Variants in MYT1 observed in about 807,000 individuals in gnomAD.
MYT1 encodes the protein myelin transcription factor I.
A neutral mutation model predicts 123.0 loss-of-function variants in MYT1; 23 were observed. The observed-to-expected ratio is 0.19, with a 90% confidence interval of 0.13 to 0.26. The LOEUF is 0.26. Ranked by LOEUF, MYT1 falls within the 10% of genes least tolerant of loss-of-function variation. The pLI is 1.00. For synonymous variants in MYT1, 518 were observed against 575.3 expected (o/e 0.90, Z 1.43); for missense variants, 1,125 against 1,472.5 (o/e 0.76, Z 3.86).
Position 64,191,944 on chromosome 20 carries a change from C to T in MYT1, c.-1+1784C>T, listed in dbSNP as rs142072817. ...CCCCAGATCCTGAGGATTCACATAGCGCTGTACTGGCATGAGATCATGTGA... is the reference window on the plus strand; with the variant it reads ...CCCCAGATCCTGAGGATTCACATAGTGCTGTACTGGCATGAGATCATGTGA... On this transcript the variant is annotated intron_variant, in intron 2 of 22. Transcript: ENST00000328439. This position sits in a 1 kb window ranked among gnomAD's most constrained non-coding sequence, Gnocchi z 4.1. The T allele has an allele frequency of 3.9e-5, 6 of 152,304 alleles. No individual in the cohort carries two copies. Among genetic ancestry groups the T allele is most frequent in the African/African-American group, 9.6e-5 (4 of 41,544 alleles). The allele number at this position is 152,304 out of a possible 1,614,324, so 9.4% of individuals were successfully genotyped here. A position where few individuals can be genotyped will look rare whatever the true frequency, so the allele number is the denominator to read the frequency against.
rs983547269 is a variant in MYT1, at chr20:64,186,245, C to T, written c.-98-3818C>T. 4.6e-5 allele frequency among the ~76,000 whole-genome samples: 7 copies of T among 152,128 alleles called. No homozygotes were observed. The highest frequency in any genetic ancestry group is 1.2e-4 in the African/African-American group (5 of 41,432). ...GGCAGGACTCCAGGTGCAAAGATGC[C>T]GGGTCCCTAGAGAGGGGTCCCAGCC... On this transcript the variant is annotated intron_variant, in intron 1 of 22. Transcript: ENST00000328439. This position sits in a 1 kb window ranked among gnomAD's most constrained non-coding sequence, Gnocchi z 4.3.
At chr20:64,178,964 T>C (rs1982559605) in intron 1 of MYT1, among the ~76,000 whole-genome samples, 1 of 139,428 alleles carries the variant, frequency 7.2e-6, no homozygotes, top group Non-Finnish European at 1.6e-5. Context: ...GTGGGAGCAC[T>C]GAGCCGTTAT....
At chr20:64,180,062 A>G (rs1982600184) in intron 1 of MYT1, among the ~76,000 whole-genome samples, 1 of 81,924 alleles carries the variant, frequency 1.2e-5, no homozygotes, top group African/African-American at 3.9e-5. Context: ...ACAGTTACAC[A>G]CCACACGCAG....
rs1983117798 is a variant in MYT1 at position 64,196,300 on chromosome 20, G to T, written c.1-2562G>T. 6.6e-6 allele frequency among the ~76,000 whole-genome samples: 1 copy of T among 152,254 alleles called. No individual in the cohort carries two copies. Among genetic ancestry groups the T allele is most frequent in the Admixed American group, 6.5e-5 (1 of 15,292 alleles). ...GGGCTGCCGTCCAGGGATCACCAAG[G>T]TGAGCCTGGGTGGTGCTGGGCACAG... On this transcript the variant is annotated intron_variant, in intron 2 of 22. Coordinates refer to ENST00000328439, the MANE Select transcript of MYT1 (RefSeq NM_004535.3). The surrounding 1 kb of genome is among the most constrained non-coding windows in gnomAD (Gnocchi z 4.3).
intron 2 of MYT1, among the ~76,000 whole-genome samples, chr20:64,195,464 C>G (rs1271554715): frequency 1.4e-5 from 2 of 145,426 alleles, no homozygotes; most frequent in Non-Finnish European, 3.0e-5. Context: ...GGTGCAATCT[C>G]AGCTCACTGC....
rs535099064 is a variant in MYT1 at position 64,203,674 on chromosome 20, G to T, written c.87-1361G>T. ...CCCCATGGCTGCTGTTGAGCCAGGG[G>T]ATAGGGTAAGGCCTGGATTCTGCTG... On this transcript the variant is annotated intron_variant, in intron 4 of 22. Coordinates refer to ENST00000328439, the MANE Select transcript of MYT1 (RefSeq NM_004535.3). The surrounding 1 kb of genome is among the most constrained non-coding windows in gnomAD (Gnocchi z 5.1). Among the ~76,000 whole-genome samples, 70 of 152,330 alleles carry T rather than the reference G, an allele frequency of 4.6e-4. No homozygotes were observed. The highest frequency in any genetic ancestry group is 1.5e-3 in the African/African-American group (64 of 41,572).
chr20:64,198,002 T>C (rs948671495), intron 2 of MYT1, among the ~76,000 whole-genome samples: 1 of 152,046 alleles, frequency 6.6e-6, no homozygotes, highest in Non-Finnish European at 1.5e-5. Flanking sequence ...AGCCTTCTGC[T>C]GGGCCGGGCG....
At position 64,212,574 on chromosome 20, in the gene MYT1, A is replaced by G. The variant is rs1207855305; in HGVS notation, c.1517+436A>G. ...ATGCACCCTCTGTGAAGAGAGGTAC[A>G]ACAACCATGTGAGAGCCAGGTGAAT... On this transcript the variant is annotated intron_variant, in intron 9 of 22. Coordinates refer to ENST00000328439, the MANE Select transcript of MYT1 (RefSeq NM_004535.3). This position sits in a 1 kb window ranked among gnomAD's most constrained non-coding sequence, Gnocchi z 6.8. 1.3e-5 allele frequency among the ~76,000 whole-genome samples: 2 copies of G among 152,180 alleles called. No homozygotes were observed. Among genetic ancestry groups the G allele is most frequent in the Non-Finnish European group, 2.9e-5 (2 of 68,020 alleles).
In MYT1 at chr20:64,170,924, G is replaced by T. The variant is rs1569303893; in HGVS notation, c.-99+6185G>T. Among the ~76,000 whole-genome samples the T allele has an allele frequency of 1.7e-4, 24 of 138,230 alleles. 1 individual carries two copies. The highest frequency in any genetic ancestry group is 6.1e-4 in the African/African-American group (22 of 36,110). The allele number at this position is 138,230 out of a possible 152,430, so 90.7% of individuals were successfully genotyped here. ...AGAGAGAGAGAGAGAGAGAGAGAGA[G>T]AGAGAGAGAGACGGAGTCTTGCTCT... is the stretch of plus-strand genomic sequence containing the variant. On this transcript the variant is annotated intron_variant, in intron 1 of 22. Coordinates refer to ENST00000328439, the MANE Select transcript of MYT1 (RefSeq NM_004535.3).
rs960591707 is a variant in MYT1, at chr20:64,189,275, T to C, written c.-98-788T>C. ...TCCTGTTTCATTGTTGGTTACTTAA[T>C]GACCTTCCTTTGAAATGCTGCAGTT... On this transcript the variant is annotated intron_variant, in intron 1 of 22. Coordinates refer to ENST00000328439, the MANE Select transcript of MYT1 (RefSeq NM_004535.3). This position sits in a 1 kb window ranked among gnomAD's most constrained non-coding sequence, Gnocchi z 5.5. 2.0e-5 allele frequency among the ~76,000 whole-genome samples: 3 copies of C among 152,254 alleles called. No homozygotes were observed. The highest frequency in any genetic ancestry group is 2.9e-5 in the Non-Finnish European group (2 of 68,050).
At chr20:64,234,742 G>T (rs1984448912) in intron 19 of MYT1, among the ~76,000 whole-genome samples, 1 of 150,782 alleles carries the variant, frequency 6.6e-6, no homozygotes, top group South Asian at 2.1e-4. Context: ...GGCTGGCCGT[G>T]GTATGTGACC....
chr20:64,207,820 G>A lies in MYT1; in HGVS notation c.624G>A (p.Glu208=), dbSNP rs1342869266. Residue 208 remains glutamate, a synonymous_variant, in exon 7 of 23, where the codon GAG becomes GAA. Coordinates refer to ENST00000328439, the MANE Select transcript of MYT1 (RefSeq NM_004535.3). ...LQEAAEGAAS[E]EGEKGLFIQP... ...AGGCTGCAGAGGGAGCTGCCAGCGA[G>A]GAGGGTGAAAAGGGCCTCTTCATCC... The A allele has an allele frequency of 6.2e-7, 1 of 1,613,832 alleles. No individual in the cohort carries two copies. Among genetic ancestry groups the A allele is most frequent in the Non-Finnish European group, 8.5e-7 (1 of 1,179,934 alleles).
At position 64,226,466 on chromosome 20, in the gene MYT1, C is replaced by G. The variant is rs189992851; in HGVS notation, c.2529-949C>G. On this transcript the variant is annotated intron_variant, in intron 16 of 22. Transcript: ENST00000328439. ...TGAGACGTCCTCCCTGGGGTCTGAG[C>G]ACCACTGCAAAGTGCCTTTGAGCAG... 4.3e-3 allele frequency among the ~76,000 whole-genome samples: 661 copies of G among 152,324 alleles called. 5 individuals are homozygous for G. The highest frequency in any genetic ancestry group is 7.3e-3 in the Non-Finnish European group (498 of 68,020).
rs377500307 is a variant in MYT1 at position 64,214,741 on chromosome 20, G to A, written c.1631+1094G>A. On this transcript the variant is annotated intron_variant, in intron 10 of 22. Transcript: ENST00000328439. ...TCCATATCTGTCTCACCAGACAAGAGTGTAGGAGACCCCGGCTGGGGTGAG... is the reference window on the plus strand; with the variant it reads ...TCCATATCTGTCTCACCAGACAAGAATGTAGGAGACCCCGGCTGGGGTGAG... Among the ~76,000 whole-genome samples the A allele has an allele frequency of 2.6e-5, 4 of 152,354 alleles. No homozygotes were observed. In the South Asian group the frequency reaches 8.3e-4, roughly 32 times the overall value.
At chr20:64,198,733 C>T in intron 2 of MYT1, 129 bp from the exon 3 acceptor site, 1 of 957,426 alleles carries the variant, frequency 1.0e-6, no homozygotes, top group South Asian at 1.5e-5. Flanking sequence ...CCATCCTTGT[C>T]ATTCTGTGCC....
chr20:64,219,341 C>G (rs1054453568), intron 12 of MYT1, among the ~76,000 whole-genome samples: 5 of 152,230 alleles, frequency 3.3e-5, no homozygotes, highest in Non-Finnish European at 5.9e-5. Context: ...GGGTGGTGCA[C>G]ACACATGCCC....
rs895953348 is a variant in MYT1, at chr20:64,207,581, T to A, written c.398-13T>A. On this transcript the variant is annotated splice_polypyrimidine_tract_variant and intron_variant, in intron 6 of 22. Coordinates refer to ENST00000328439, the MANE Select transcript of MYT1 (RefSeq NM_004535.3). ...TGCTCTCTGGCCCCCACGTTGATTT[T>A]GATTTTGTGCAGGAAGGAGCCCCGT... The A allele has an allele frequency of 1.9e-6, 3 of 1,606,828 alleles. No homozygotes were observed. The African/African-American group carries it at 4.0e-5, about 21-fold the overall frequency.
chr20:64,235,458 G>T (rs1354430763), intron 19 of MYT1, among the ~76,000 whole-genome samples: 13 of 139,772 alleles, frequency 9.3e-5, no homozygotes, highest in African/African-American at 1.4e-4. Flanking sequence ...GATGGCCGCG[G>T]TGGGTGACCC....
At chr20:64,219,437 T>C (rs1372334835) in intron 12 of MYT1, among the ~76,000 whole-genome samples, 4 of 152,216 alleles carry the variant, frequency 2.6e-5, no homozygotes, top group Non-Finnish European at 5.9e-5. Flanking sequence ...CACACTCTCC[T>C]TGCTCAGAGG....
Sources: allele counts gnomAD v4.1 joint callset (sites outside exome capture counted in the v4.1 genomes callset), GRCh38; gene constraint gnomAD v4.1.1; non-coding constraint Gnocchi (gnomAD v3.1); transcripts MANE v1.5; gene names NCBI Gene and HGNC (gene_info 2026-07-23, HGNC 2026-07-21).